Variants in NAV3 observed in about 807,000 individuals in gnomAD.
The protein encoded by NAV3 is pore membrane and/or filament interacting like protein 1.
Under a neutral mutation model 244.7 loss-of-function variants are expected in NAV3, and 87 were observed. That is an observed-to-expected ratio of 0.36 (90% CI 0.30 to 0.42). The LOEUF is 0.42. NAV3 is among the 20% of genes least tolerant of loss of function. NAV3 has a pLI of 1.00. For missense variants in NAV3, 2,663 were observed against 2,893.3 expected (o/e 0.92, Z 1.83); for synonymous variants, 1,126 against 1,042.2 (o/e 1.08, Z -1.55).
chr12:77,760,776 C>A (rs187986381), intron 2 of NAV3, among the ~76,000 whole-genome samples: 53 of 152,242 alleles, frequency 3.5e-4, no homozygotes, highest in Middle Eastern at 3.4e-3. Context: ...AAGCTGTCAG[C>A]CACAATGTTT....
In NAV3 at chr12:78,118,083, G is replaced by A. The variant is rs1484863899; in HGVS notation, c.2826G>A (p.Glu942=). The A allele has an allele frequency of 6.2e-7, 1 of 1,613,962 alleles. No homozygotes were observed. The highest frequency in any genetic ancestry group is 8.5e-7 in the Non-Finnish European group (1 of 1,180,018). Residue 942 remains glutamate (E), a synonymous_variant, in exon 14 of 40, where the codon GAG becomes GAA. Transcript: ENST00000397909. ...STTDETWDSP[E]ELKKPEEDFD... is the part of the protein sequence containing the mutation. Reference sequence around the variant, plus strand: ...CAGACGAGACCTGGGATAGTCCTGAGGAACTGAAAAAACCAGAAGAAGATT... The same window carrying A: ...CAGACGAGACCTGGGATAGTCCTGAAGAACTGAAAAAACCAGAAGAAGATT...
At chr12:77,710,546 G>A (rs1220864372) in intron 2 of NAV3, among the ~76,000 whole-genome samples, 2 of 152,098 alleles carry the variant, frequency 1.3e-5, no homozygotes, top group Admixed American at 1.3e-4. Context: ...TTTGATTTAT[G>A]CACGTTCTCC....
intron 1 of NAV3, among the ~76,000 whole-genome samples, chr12:77,843,758 A>G (rs1040724218): frequency 6.6e-6 from 1 of 152,192 alleles, no homozygotes; most frequent in African/African-American, 2.4e-5. Context: ...TATCCAGACA[A>G]TGCCAATGCC....
intron 28 of NAV3, among the ~76,000 whole-genome samples, chr12:78,178,861 CACA>C (rs1257600619): frequency 6.6e-6 from 1 of 152,090 alleles, no homozygotes; most frequent in Non-Finnish European, 1.5e-5. Context: ...ACAATAAAAA[CACA>C]ACAAGGATAC....
At chr12:78,174,297 C>T (rs404149) in intron 24 of NAV3, among the ~76,000 whole-genome samples, 7,405 of 151,620 alleles carry the variant, frequency 0.049, 196 homozygotes, top group Non-Finnish European at 0.071. Context: ...AAACAGATAC[C>T]TTTAACATGA....
Position 78,210,640 on chromosome 12 carries a change from G to T in NAV3, c.*123G>T, listed in dbSNP as rs558657661. 2 of 1,186,374 alleles carry T rather than the reference G, an allele frequency of 1.7e-6. No individual in the cohort carries two copies. Among genetic ancestry groups the T allele is most frequent in the African/African-American group, 3.1e-5 (2 of 64,402 alleles). The allele number at this position is 1,186,374 out of a possible 1,614,324, so 73.5% of individuals were successfully genotyped here. A position where few individuals can be genotyped will look rare whatever the true frequency, so the allele number is the denominator to read the frequency against. Reference sequence around the variant, plus strand: ...TCAAGGGCCCTGACCCAGAGTTGTGGTCTCCAAGGAGGCAGCAGAACTAAG... The same window carrying T: ...TCAAGGGCCCTGACCCAGAGTTGTGTTCTCCAAGGAGGCAGCAGAACTAAG... On this transcript the variant is annotated 3_prime_UTR_variant, in exon 40 of 40. Coordinates refer to ENST00000397909, the MANE Select transcript of NAV3 (RefSeq NM_001024383.2).
intron 1 of NAV3, among the ~76,000 whole-genome samples, chr12:77,916,568 A>G (rs1887168379): frequency 6.6e-6 from 1 of 152,050 alleles, no homozygotes; most frequent in Admixed American, 6.6e-5. Flanking sequence ...TCTAAAGCAC[A>G]AGATCTAACT....
intron 12 of NAV3, among the ~76,000 whole-genome samples, chr12:78,070,328 A>T (rs1214076433): frequency 6.6e-6 from 1 of 152,086 alleles, no homozygotes; most frequent in African/African-American, 2.4e-5. Flanking sequence ...CATGCAATGC[A>T]CAAGAGACTG....
intron 2 of NAV3, among the ~76,000 whole-genome samples, chr12:77,737,329 G>A (rs896786050): frequency 2.0e-5 from 3 of 151,044 alleles, no homozygotes; most frequent in Non-Finnish European, 2.9e-5. Context: ...TTAAAAAGGA[G>A]GGTGGCATGT....
chr12:78,083,934 C>A (rs533469952), intron 12 of NAV3, among the ~76,000 whole-genome samples: 2 of 152,274 alleles, frequency 1.3e-5, no homozygotes, highest in Non-Finnish European at 2.9e-5. Flanking sequence ...TTTTTCTACT[C>A]CACTGCCCCT....
At chr12:78,017,446 A>G (rs1366912993) in intron 8 of NAV3, among the ~76,000 whole-genome samples, 1 of 152,156 alleles carries the variant, frequency 6.6e-6, no homozygotes, top group South Asian at 2.1e-4. Context: ...AAGTAAATAA[A>G]TAAAAGAAAT....
chr12:77,651,255 A>G (rs957942707), intron 2 of NAV3, among the ~76,000 whole-genome samples: 4 of 152,138 alleles, frequency 2.6e-5, no homozygotes, highest in Non-Finnish European at 5.9e-5. Context: ...CCAAGAGAAC[A>G]TCCTACCCTG....
At chr12:77,737,088 A>T (rs1385993390) in intron 2 of NAV3, among the ~76,000 whole-genome samples, 1 of 151,894 alleles carries the variant, frequency 6.6e-6, no homozygotes, top group African/African-American at 2.4e-5. Context: ...TTCTGTGGCT[A>T]GTAACACTAT....
In NAV3 at chr12:77,899,978, C is replaced by T. The variant is rs147175924; in HGVS notation, c.244-40341C>T. Among the ~76,000 whole-genome samples the T allele has an allele frequency of 2.2e-3, 334 of 152,060 alleles. 1 individual carries two copies. The highest frequency in any genetic ancestry group is 7.6e-3 in the African/African-American group (315 of 41,496). On this transcript the variant is annotated intron_variant, in intron 1 of 39. Transcript: ENST00000397909. ...GGTTTGGGGCACCAATGATCCTGTC[C>T]CCCAGACAGTGAGAATAGTATCCAA...
At chr12:77,956,701 T>C (rs946312500) in intron 3 of NAV3, among the ~76,000 whole-genome samples, 4 of 151,176 alleles carry the variant, frequency 2.6e-5, no homozygotes, top group African/African-American at 4.9e-5. Context: ...TTCTGATGCT[T>C]GTCTAACCTT....
intron 34 of NAV3, among the ~76,000 whole-genome samples, chr12:78,192,824 G>C (rs1959043822): frequency 6.6e-6 from 1 of 152,042 alleles, no homozygotes; most frequent in African/African-American, 2.4e-5. Context: ...ATATGAACAA[G>C]CTATCAGTAA....
At chr12:77,907,828 G>A (rs1731723) in intron 1 of NAV3, among the ~76,000 whole-genome samples, 138,341 of 152,104 alleles carry the variant, frequency 0.91, 62,986 homozygotes, top group East Asian at 1. Flanking sequence ...ATACTGAGCC[G>A]GTGAACAGGC....
At chr12:77,948,459 T>C (rs979363476) in intron 3 of NAV3, among the ~76,000 whole-genome samples, 12 of 151,962 alleles carry the variant, frequency 7.9e-5, no homozygotes. Flanking sequence ...TATCTTTGAA[T>C]ATTGACCACT....
At chr12:77,759,449 A>C (rs2080547582) in intron 2 of NAV3, among the ~76,000 whole-genome samples, 1 of 152,218 alleles carries the variant, frequency 6.6e-6, no homozygotes, top group African/African-American at 2.4e-5. Context: ...TAGGGCTAGT[A>C]GGCCTGAGAT....
Sources: allele counts gnomAD v4.1 joint callset (sites outside exome capture counted in the v4.1 genomes callset), GRCh38; gene constraint gnomAD v4.1.1; transcripts MANE v1.5; gene names NCBI Gene and HGNC (gene_info 2026-07-23, HGNC 2026-07-21).